C12orf75: variants seen among roughly 807,000 people sequenced by gnomAD.
The protein encoded by C12orf75 is chromosome 12 open reading frame 75.
C12orf75 carries 4 observed loss-of-function variants against 11.4 expected under a neutral mutation model. The ratio of observed to expected loss-of-function variants is 0.35; its 90% CI spans 0.17 to 0.80. The LOEUF (loss-of-function observed/expected upper bound fraction) is 0.80. Among genes scored for constraint, C12orf75 ranks in the 30% least tolerant of loss-of-function variants. The probability of loss-of-function intolerance (pLI) is 0.52; values close to 1 mark genes in which losing one functional copy is unlikely to be tolerated. For synonymous variants in C12orf75, 30 were observed against 30.0 expected, an observed-to-expected ratio of 1.00 and a Z score of 0.00; for missense variants, 89 against 80.4, an observed-to-expected ratio of 1.11 and a Z score of -0.41.
intron 2 of C12orf75, among the ~76,000 whole-genome samples, chr12:105,355,671 G>A (rs1185282355): frequency 6.6e-6 from 1 of 152,164 alleles, no homozygotes; most frequent in African/African-American, 2.4e-5. Context: ...TCTCCTGTTA[G>A]GAGAAGCTAG....
At chr12:105,334,597 G>T (rs1382122551) in intron 1 of C12orf75, among the ~76,000 whole-genome samples, 1 of 152,166 alleles carries the variant, frequency 6.6e-6, no homozygotes, top group Non-Finnish European at 1.5e-5. Context: ...TTTTCTGCAT[G>T]GTCTGGAGTC....
chr12:105,354,303 G>A (rs1384796178), intron 2 of C12orf75, among the ~76,000 whole-genome samples: 3 of 152,174 alleles, frequency 2.0e-5, no homozygotes, highest in Non-Finnish European at 4.4e-5. Context: ...ACTGTGCAGG[G>A]TGATCATCTT....
At chr12:105,367,323 A>G in intron 4 of C12orf75, 149 bp from the exon 5 acceptor site, 1 of 352,424 alleles carries the variant, frequency 2.8e-6, no homozygotes, top group Non-Finnish European at 5.4e-6. Flanking sequence ...TATTTTGAAC[A>G]TACTATATTT....
chr12:105,362,939 C>T (rs758298771), intron 2 of C12orf75, among the ~76,000 whole-genome samples: 2 of 152,224 alleles, frequency 1.3e-5, no homozygotes, highest in South Asian at 2.1e-4. Flanking sequence ...TATAGTTACA[C>T]AATCAGGTTG....
At chr12:105,349,522 G>A (rs550603393) in intron 2 of C12orf75, among the ~76,000 whole-genome samples, 9 of 152,270 alleles carry the variant, frequency 5.9e-5, no homozygotes, top group African/African-American at 2.2e-4. Flanking sequence ...TTTCTTATTG[G>A]CTTACACAGA....
intron 1 of C12orf75, among the ~76,000 whole-genome samples, chr12:105,332,740 A>C (rs1892449000): frequency 7.2e-6 from 1 of 138,728 alleles, no homozygotes; most frequent in Non-Finnish European, 1.6e-5. Flanking sequence ...CCATCTAAAA[A>C]AAAAAAAAAA....
At chr12:105,359,475 A>T (rs933375634) in intron 2 of C12orf75, among the ~76,000 whole-genome samples, 3 of 152,014 alleles carry the variant, frequency 2.0e-5, no homozygotes, top group Non-Finnish European at 4.4e-5. Context: ...ATTATTTAGC[A>T]GTGGATTATT....
At chr12:105,362,086 T>C (rs901755348) in intron 2 of C12orf75, among the ~76,000 whole-genome samples, 7 of 152,086 alleles carry the variant, frequency 4.6e-5, no homozygotes, top group Admixed American at 3.3e-4. Context: ...AGTGGGATGA[T>C]AAAAATTGGA....
chr12:105,338,553 C>T (rs978084646), intron 1 of C12orf75, among the ~76,000 whole-genome samples: 7 of 152,052 alleles, frequency 4.6e-5, no homozygotes, highest in African/African-American at 7.2e-5. Context: ...ATACCTGAGA[C>T]GGGGTAATTG....
intron 2 of C12orf75, among the ~76,000 whole-genome samples, chr12:105,355,833 C>T (rs1367814130): frequency 7.1e-6 from 1 of 140,634 alleles, no homozygotes; most frequent in East Asian, 2.1e-4. Flanking sequence ...TAATTCCTAA[C>T]ACTGTGTGCC....
At chr12:105,362,495 C>G (rs1892884789) in intron 2 of C12orf75, among the ~76,000 whole-genome samples, 1 of 149,468 alleles carries the variant, frequency 6.7e-6, no homozygotes, top group African/African-American at 2.5e-5. Context: ...GTGAAACCTC[C>G]TGTCTACTAA....
At chr12:105,369,185 C>T (rs1871562121) in intron 5 of C12orf75, among the ~76,000 whole-genome samples, 1 of 152,238 alleles carries the variant, frequency 6.6e-6, no homozygotes, top group South Asian at 2.1e-4. Flanking sequence ...CAGCTTGTCT[C>T]AACCACAGTT....
chr12:105,340,419 C>A (rs1057093832), intron 1 of C12orf75, among the ~76,000 whole-genome samples: 2 of 120,224 alleles, frequency 1.7e-5, no homozygotes, highest in Admixed American at 9.4e-5. Flanking sequence ...AGTGAGACTC[C>A]GTGCCCCCGC....
intron 1 of C12orf75, among the ~76,000 whole-genome samples, chr12:105,332,591 C>T (rs966175317): frequency 1.9e-4 from 29 of 151,864 alleles, no homozygotes; most frequent in Admixed American, 1.6e-3. Context: ...ATTAGCTGGG[C>T]GTGGTGGCGC....
intron 2 of C12orf75, among the ~76,000 whole-genome samples, chr12:105,352,545 T>G (rs1404777228): frequency 1.3e-5 from 2 of 152,176 alleles, no homozygotes; most frequent in Non-Finnish European, 2.9e-5. Context: ...CTTCAAGTGT[T>G]TTTTGGTTGT....
intron 5 of C12orf75, among the ~76,000 whole-genome samples, chr12:105,368,704 A>G (rs1245413472): frequency 2.6e-5 from 4 of 152,220 alleles, no homozygotes; most frequent in African/African-American, 9.6e-5. Context: ...TTTCACAGGT[A>G]GAGACAAACA....
intron 1 of C12orf75, among the ~76,000 whole-genome samples, chr12:105,342,133 T>A (rs1255057892): frequency 6.6e-6 from 1 of 152,186 alleles, no homozygotes; most frequent in Non-Finnish European, 1.5e-5. Flanking sequence ...GGTGCTGTGG[T>A]TTGAGTGCGT....
intron 4 of C12orf75, among the ~76,000 whole-genome samples, chr12:105,366,933 T>C (rs1257491212): frequency 6.6e-6 from 1 of 152,232 alleles, no homozygotes; most frequent in Non-Finnish European, 1.5e-5. Flanking sequence ...ATTTTTAATT[T>C]CTTGTTAATT....
At chr12:105,367,793 T>C (rs984939064) in intron 5 of C12orf75, among the ~76,000 whole-genome samples, 7 of 152,200 alleles carry the variant, frequency 4.6e-5, no homozygotes, top group African/African-American at 1.2e-4. Context: ...CCCTTCTTCA[T>C]TGCAGAAATC....
Sources: gnomAD v4.1 joint callset for allele counts (sites outside exome capture counted in the v4.1 genomes callset) on GRCh38, gnomAD v4.1.1 for gene constraint, MANE v1.5 for transcripts, NCBI Gene and HGNC (gene_info 2026-07-23, HGNC 2026-07-21) for gene names.